ANK2: variants seen among roughly 807,000 people sequenced by gnomAD.
ANK2 encodes the protein ankyrin-2.
In ANK2, 83 loss-of-function variants were observed where a neutral mutation model predicts 360.5. The observed-to-expected ratio is 0.23, with a 90% confidence interval of 0.19 to 0.28. The LOEUF (loss-of-function observed/expected upper bound fraction) is 0.28. Ranked by LOEUF, ANK2 falls within the 10% of genes least tolerant of loss-of-function variation. ANK2 has a pLI of 1.00. For synonymous variants in ANK2, 1,740 were observed against 1,759.5 expected (o/e 0.99, Z 0.28); for missense variants, 4,201 against 4,795.7 (o/e 0.88, Z 3.66).
At chr4:113,097,873 T>TATATATAC (rs1562040502) in intron 1 of ANK2, among the ~76,000 whole-genome samples, 1 of 121,528 alleles carries the variant, frequency 8.2e-6, no homozygotes, top group Non-Finnish European at 1.7e-5. Context: ...TGTGTATATA[T>TATATATAC]ATGCACACAC....
chr4:112,808,154 A>G, the ANK2 span, among the ~76,000 whole-genome samples: 13 of 152,202 alleles, frequency 8.5e-5, no homozygotes, highest in Admixed American at 7.9e-4. Flanking sequence ...TGCATTAATA[A>G]CAGCTGAGTG....
chr4:112,895,355 C>T (rs1012460714), intron 1 of ANK2, among the ~76,000 whole-genome samples: 3 of 152,176 alleles, frequency 2.0e-5, no homozygotes, highest in African/African-American at 4.8e-5. Context: ...CTTTCATAGA[C>T]TTGGGTAGGC....
chr4:112,939,441 C>T (rs531993431), intron 2 of ANK2, among the ~76,000 whole-genome samples: 3 of 152,016 alleles, frequency 2.0e-5, no homozygotes, highest in Admixed American at 6.5e-5. Flanking sequence ...TCCCAAGTAG[C>T]TGGGATTACA....
chr4:112,941,115 T>G (rs1178959901), intron 2 of ANK2, among the ~76,000 whole-genome samples: 1 of 151,910 alleles, frequency 6.6e-6, no homozygotes, highest in Non-Finnish European at 1.5e-5. Context: ...TATACTGTAC[T>G]CTATTAAAAT....
At chr4:113,352,739 GT>G (rs887455131) in intron 37 of ANK2, among the ~76,000 whole-genome samples, 1 of 150,940 alleles carries the variant, frequency 6.6e-6, no homozygotes, top group Admixed American at 6.6e-5. Context: ...GATATGTAGT[GT>G]TTTTTTGTGT....
At chr4:112,752,794 T>C in the ANK2 span, among the ~76,000 whole-genome samples, 1 of 152,084 alleles carries the variant, frequency 6.6e-6, no homozygotes, top group Non-Finnish European at 1.5e-5. Flanking sequence ...GCCTCCTGAG[T>C]AGCTAAGACT....
intron 1 of ANK2, among the ~76,000 whole-genome samples, chr4:113,121,369 G>A (rs940802228): frequency 2.0e-5 from 3 of 152,094 alleles, no homozygotes; most frequent in Admixed American, 6.6e-5. Flanking sequence ...AGATTATAAG[G>A]AAATCACTTA....
intron 1 of ANK2, among the ~76,000 whole-genome samples, chr4:112,834,269 T>C (rs2060510779): frequency 6.6e-6 from 1 of 152,222 alleles, no homozygotes; most frequent in African/African-American, 2.4e-5. Flanking sequence ...TTGGTGGTTA[T>C]ATTTAAAAAA....
At chr4:113,028,228 G>A (rs72896482) in intron 2 of ANK2, among the ~76,000 whole-genome samples, 7,138 of 152,142 alleles carry the variant, frequency 0.047, 210 homozygotes, top group Admixed American at 0.079. Context: ...GATCCAGTGG[G>A]ACAGAGGCTT....
chr4:113,251,802 G>C (rs2046592236), intron 10 of ANK2, among the ~76,000 whole-genome samples: 1 of 151,736 alleles, frequency 6.6e-6, no homozygotes, highest in Non-Finnish European at 1.5e-5. Context: ...ATCTATAGCT[G>C]CAAGAAGCTC....
At chr4:112,974,950 G>T (rs1443967589) in intron 2 of ANK2, among the ~76,000 whole-genome samples, 1 of 152,056 alleles carries the variant, frequency 6.6e-6, no homozygotes, top group African/African-American at 2.4e-5. Flanking sequence ...AATTTTTCAG[G>T]TTATCTAAAT....
intron 5 of ANK2, 26 bp from the exon 6 acceptor site, chr4:113,236,961 A>G: frequency 1.2e-6 from 2 of 1,612,646 alleles, no homozygotes; most frequent in Non-Finnish European, 1.7e-6. Flanking sequence ...ATGTTAACAG[A>G]CAATTTTTAC....
At chr4:113,097,377 G>A (rs2091546799) in intron 1 of ANK2, among the ~76,000 whole-genome samples, 1 of 151,996 alleles carries the variant, frequency 6.6e-6, no homozygotes, top group African/African-American at 2.4e-5. Flanking sequence ...TTTTCTCTGA[G>A]TGAGTCCTAG....
intron 1 of ANK2, among the ~76,000 whole-genome samples, chr4:113,110,223 G>T (rs1265685052): frequency 6.6e-6 from 1 of 152,114 alleles, no homozygotes; most frequent in Non-Finnish European, 1.5e-5. Context: ...GTGTGCAGGG[G>T]AACTGCCCTT....
At chr4:113,229,578 C>G (rs777622508) in intron 4 of ANK2, among the ~76,000 whole-genome samples, 1 of 152,174 alleles carries the variant, frequency 6.6e-6, no homozygotes, top group South Asian at 2.1e-4. Context: ...AAAGGGTGTG[C>G]CTACCAATGG....
intron 1 of ANK2, among the ~76,000 whole-genome samples, chr4:112,890,397 T>G (rs1031290292): frequency 6.6e-5 from 10 of 152,156 alleles, no homozygotes; most frequent in African/African-American, 2.4e-4. Context: ...TGAACCTACA[T>G]GTTAGGCCAC....
chr4:113,220,116 G>A (rs1039267511), intron 4 of ANK2, among the ~76,000 whole-genome samples: 3 of 152,100 alleles, frequency 2.0e-5, no homozygotes, highest in Non-Finnish European at 2.9e-5. Context: ...TCCTAGGATC[G>A]GAACCACACA....
intron 1 of ANK2, among the ~76,000 whole-genome samples, chr4:113,100,194 G>C (rs2092585949): frequency 6.6e-6 from 1 of 151,920 alleles, no homozygotes; most frequent in Non-Finnish European, 1.5e-5. Context: ...ACAAGCCACA[G>C]GCTACAAGAA....
At chr4:112,989,371 G>A (rs752520947) in intron 2 of ANK2, among the ~76,000 whole-genome samples, 3 of 152,040 alleles carry the variant, frequency 2.0e-5, no homozygotes, top group Admixed American at 1.3e-4. Context: ...ACAAACATAC[G>A]ATAAAACATG....
Sources: gnomAD v4.1 joint callset for allele counts (sites outside exome capture counted in the v4.1 genomes callset) on GRCh38, gnomAD v4.1.1 for gene constraint, MANE v1.5 for transcripts, NCBI Gene and HGNC (gene_info 2026-07-23, HGNC 2026-07-21) for gene names.